ERMARD: variants seen among roughly 807,000 people sequenced by gnomAD.
ERMARD encodes ER membrane associated RNA degradation, also known as endoplasmic reticulum membrane-associated RNA degradation protein.
Under a neutral mutation model 83.9 loss-of-function variants are expected in ERMARD, and 71 were observed. The ratio of observed to expected loss-of-function variants is 0.85; its 90% CI spans 0.70 to 1.03. The LOEUF (loss-of-function observed/expected upper bound fraction) is 1.03, where lower values mean the gene tolerates loss of function less well. Ranked by LOEUF, ERMARD falls within the 50% of genes least tolerant of loss-of-function variation. ERMARD has a pLI of 0.00. For synonymous variants in ERMARD, 284 were observed against 298.6 expected (o/e 0.95, Z 0.50); for missense variants, 838 against 810.9 (o/e 1.03, Z -0.41).
At position 169,776,562 on chromosome 6, in the gene ERMARD, G is replaced by C; in HGVS notation, c.1628G>C (p.Cys543Ser). The part of the protein sequence containing the change: ...LVVLRSISEQ[C>S]RRVSSQVTVA... ...GTGCTCCGAAGCATCAGCGAACAGT[G>C]CCGCCGTGTGTCCAGCCAGGTCACC... The change falls in exon 16 of 18, where the codon TGC becomes TCC. Residue 543 changes from cysteine (C) to serine (S), a missense_variant. Cys to Ser is a moderately radical substitution (Grantham distance 112). Coordinates refer to ENST00000366773, the MANE Select transcript of ERMARD (RefSeq NM_018341.3). 1 of 1,614,218 alleles carries C rather than the reference G, an allele frequency of 6.2e-7. No homozygotes were observed. Among genetic ancestry groups the C allele is most frequent in the South Asian group, 1.1e-5 (1 of 91,080 alleles).
At chr6:169,773,105 T>C (rs1793169048) in intron 12 of ERMARD, 2 of 505,558 alleles carry the variant, frequency 4.0e-6, no homozygotes, top group East Asian at 6.0e-5. Flanking sequence ...TTGTGATCTA[T>C]TATTGTTAAT....
chr6:169,756,529 A>G (rs987381446), intron 4 of ERMARD, 90 bp downstream of exon 4: 9 of 1,077,788 alleles, frequency 8.4e-6, no homozygotes, highest in African/African-American at 1.6e-5. Context: ...TTTCTTGATT[A>G]TTTTCCTATA....
chr6:169,753,742 G>A, intron 1 of ERMARD, 122 bp from the exon 2 acceptor site: 1 of 614,340 alleles, frequency 1.6e-6, no homozygotes, highest in South Asian at 4.0e-5. Context: ...ACGATATCCA[G>A]AAAGCATGTT....
rs565753902 is a variant in ERMARD, at chr6:169,756,887, A to G, written c.507+79A>G. Reference sequence around the variant, plus strand: ...GTTAAAGACATACCCAAGACTAGGAAGAGAAAGAGGTTTAATTGGACTTAC... The same window carrying G: ...GTTAAAGACATACCCAAGACTAGGAGGAGAAAGAGGTTTAATTGGACTTAC... On this transcript the variant is annotated intron_variant, in intron 5 of 17. Transcript: ENST00000366773. 3.8e-6 allele frequency: 5 copies of G among 1,313,430 alleles called. No homozygotes were observed. The South Asian group carries it at 6.3e-5, about 16-fold the overall frequency. The allele number at this position is 1,313,430 out of a possible 1,614,324, so 81.4% of individuals were successfully genotyped here.
At chr6:169,760,940 G>T (rs1791474885) in intron 8 of ERMARD, among the ~76,000 whole-genome samples, 184 bp downstream of exon 8, 1 of 152,136 alleles carries the variant, frequency 6.6e-6, no homozygotes, top group Admixed American at 6.5e-5. Context: ...GATTATATTG[G>T]AAACATTGCC....
At chr6:169,751,716 C>T (rs1790123891) in intron 1 of ERMARD, 53 bp downstream of exon 1, 3 of 1,521,268 alleles carry the variant, frequency 2.0e-6, no homozygotes, top group Non-Finnish European at 8.8e-7. Context: ...GGAGTCGGCG[C>T]CAGGCTGGGT....
At chr6:169,778,003 A>G (rs1793787664) in intron 16 of ERMARD, among the ~76,000 whole-genome samples, 1 of 152,186 alleles carries the variant, frequency 6.6e-6, no homozygotes, top group South Asian at 2.1e-4. Context: ...ACAAGGCAGG[A>G]CCCACCCTGG....
At chr6:169,763,806 G>A (rs1359280866) in intron 9 of ERMARD, among the ~76,000 whole-genome samples, 20 of 152,242 alleles carry the variant, frequency 1.3e-4, no homozygotes, top group African/African-American at 4.6e-4. Context: ...ACACATGGAA[G>A]TTTTGGACCC....
intron 5 of ERMARD, 47 bp downstream of exon 5, chr6:169,756,855 T>A (rs1441534478): frequency 9.7e-6 from 15 of 1,546,536 alleles, no homozygotes; most frequent in Non-Finnish European, 1.2e-5. Flanking sequence ...TCCGTTTTCA[T>A]GCTGCTGTTA....
At chr6:169,772,170 G>A (rs945147362) in intron 12 of ERMARD, 6 of 152,304 alleles carry the variant, frequency 3.9e-5, no homozygotes, top group African/African-American at 7.2e-5. Flanking sequence ...TCACCTTGTC[G>A]TAACACAGCA....
intron 12 of ERMARD, 167 bp from the exon 13 acceptor site, chr6:169,773,152 G>T: frequency 1.8e-6 from 1 of 544,156 alleles, no homozygotes; most frequent in East Asian, 2.9e-5. Flanking sequence ...GCTGTCATTT[G>T]CCTGCCATGT....
rs755115922 is a variant in ERMARD, at chr6:169,755,306, A to G, written c.199A>G (p.Ser67Gly). 6.2e-7 allele frequency: 1 copy of G among 1,613,896 alleles called. No homozygotes were observed. Among genetic ancestry groups the G allele is most frequent in the African/African-American group, 1.3e-5 (1 of 74,896 alleles). ...AGAGCAGGGTCTGGATTACTGGGGA[A>G]GCGTGAGGCTGCTGGGCCCTGTGTG... ...ESEQGLDYWG[S>G]VRLLGPVCEA... Residue 67 changes from serine to glycine, a missense_variant, in exon 3 of 18, where the codon AGC (serine) becomes GGC (glycine). Ser to Gly is a moderately conservative substitution (Grantham distance 56, BLOSUM62 0). Coordinates refer to ENST00000366773, the MANE Select transcript of ERMARD (RefSeq NM_018341.3).
At chr6:169,777,790 C>A (rs769190129) in intron 16 of ERMARD, among the ~76,000 whole-genome samples, 23 of 151,942 alleles carry the variant, frequency 1.5e-4, no homozygotes, top group Middle Eastern at 3.4e-3. Context: ...CCCCCACCCA[C>A]AGCTCCAGCG....
chr6:169,773,314 A>G lies in ERMARD; in HGVS notation c.1234-5A>G. ...TGATAGTAACCACTGTTTTCTCTGCACTAGGAAAAATCAGCCGTAGAATTG... is the reference window on the plus strand; with the variant it reads ...TGATAGTAACCACTGTTTTCTCTGCGCTAGGAAAAATCAGCCGTAGAATTG... On this transcript the variant is annotated splice_polypyrimidine_tract_variant and splice_region_variant and intron_variant, in intron 12 of 17. Coordinates refer to ENST00000366773, the MANE Select transcript of ERMARD (RefSeq NM_018341.3). 6.2e-7 allele frequency: 1 copy of G among 1,613,932 alleles called. No homozygotes were observed. Among genetic ancestry groups the G allele is most frequent in the South Asian group, 1.1e-5 (1 of 91,044 alleles).
rs1000135718 is a variant in ERMARD at position 169,751,822 on chromosome 6, C to T, written c.6+159C>T. ...GCTGGCGACGTCGCGGCCCTGGCCTCTGTGGCGGTATCGGACGCTCGGCCC... is the reference window on the plus strand; with the variant it reads ...GCTGGCGACGTCGCGGCCCTGGCCTTTGTGGCGGTATCGGACGCTCGGCCC... On this transcript the variant is annotated intron_variant, in intron 1 of 17. Coordinates refer to ENST00000366773, the MANE Select transcript of ERMARD (RefSeq NM_018341.3). 3.1e-5 allele frequency: 34 copies of T among 1,108,958 alleles called. No individual in the cohort carries two copies. In the South Asian group the frequency reaches 6.4e-4, roughly 21 times the overall value. The allele number at this position is 1,108,958 out of a possible 1,614,324, so 68.7% of individuals were successfully genotyped here.
At position 169,760,753 on chromosome 6, in the gene ERMARD, A is replaced by C; in HGVS notation, c.854A>C (p.His285Pro). 1 of 1,607,468 alleles carries C rather than the reference A, an allele frequency of 6.2e-7. No homozygotes were observed. The highest frequency in any genetic ancestry group is 8.5e-7 in the Non-Finnish European group (1 of 1,174,110). Reference sequence around the variant, plus strand: ...GTTGCACTGGTCAAGTTCAAGTCACACAGGTAACTAAAGGGTACATGGCAG... The same window carrying C: ...GTTGCACTGGTCAAGTTCAAGTCACCCAGGTAACTAAAGGGTACATGGCAG... Reference protein sequence around the residue: ...WEVALVKFKSHRFADCAILLL... With the variant: ...WEVALVKFKSPRFADCAILLL... Residue 285 changes from histidine to proline, a missense_variant, in exon 8 of 18, where the codon CAC (histidine) becomes CCC (proline). His to Pro is a moderately conservative substitution (Grantham distance 77). Coordinates refer to ENST00000366773, the MANE Select transcript of ERMARD (RefSeq NM_018341.3).
In ERMARD at chr6:169,768,124, GATGGTAAA is replaced by G; in HGVS notation, c.1015_1022del (p.Gly339GlnfsTer40). The G allele has an allele frequency of 1.9e-6, 3 of 1,614,106 alleles. No homozygotes were observed. Among genetic ancestry groups the G allele is most frequent in the Non-Finnish European group, 1.7e-6 (2 of 1,179,968 alleles). ...TTAGATATTGGCAAAACACTTGAAT[GATGGTAAA>G]ATCAATCAGCTTCCTCTTTTCCTTG... On this transcript the variant is annotated frameshift_variant, in exon 11 of 18. Coordinates refer to ENST00000366773, the MANE Select transcript of ERMARD (RefSeq NM_018341.3). LOFTEE classifies it high-confidence loss of function.
intron 5 of ERMARD, 39 bp downstream of exon 5, chr6:169,756,847 C>G (rs377591444): frequency 1.3e-6 from 2 of 1,553,154 alleles, no homozygotes; most frequent in African/African-American, 2.7e-5. Context: ...TATATTAGTC[C>G]GTTTTCATGC....
intron 9 of ERMARD, among the ~76,000 whole-genome samples, chr6:169,765,228 A>G (rs946917676): frequency 6.6e-6 from 1 of 152,280 alleles, no homozygotes; most frequent in Non-Finnish European, 1.5e-5. Flanking sequence ...AATAAATAAC[A>G]TGGCTGTTTC....
Sources: allele counts gnomAD v4.1 joint callset (sites outside exome capture counted in the v4.1 genomes callset), GRCh38; gene constraint gnomAD v4.1.1; transcripts MANE v1.5; gene names NCBI Gene and HGNC (gene_info 2026-07-23, HGNC 2026-07-21).